The following CRTAC1 variants were observed in gnomAD, a reference collection of about 807,000 sequenced individuals.
The protein encoded by CRTAC1 is acidic secreted protein in cartilage.
CRTAC1 carries 37 observed loss-of-function variants against 67.8 expected under a neutral mutation model. The observed-to-expected ratio is 0.55, with a 90% confidence interval of 0.42 to 0.72. The LOEUF (loss-of-function observed/expected upper bound fraction) is 0.72. Among genes scored for constraint, CRTAC1 ranks in the 30% least tolerant of loss-of-function variants. CRTAC1 has a pLI of 0.00. For missense variants in CRTAC1, 780 were observed against 931.6 expected, an observed-to-expected ratio of 0.84 and a Z score of 2.12; for synonymous variants, 348 against 371.0, an observed-to-expected ratio of 0.94 and a Z score of 0.71.
At chr10:98,028,468 T>C (rs892468066) in intron 1 of CRTAC1, among the ~76,000 whole-genome samples, 2 of 152,190 alleles carry the variant, frequency 1.3e-5, no homozygotes, top group African/African-American at 4.8e-5. Flanking sequence ...AGCTGTTTAG[T>C]AGGACTGCCT....
chr10:97,915,645 G>T (rs1361698554), intron 5 of CRTAC1, among the ~76,000 whole-genome samples: 3 of 152,028 alleles, frequency 2.0e-5, no homozygotes, highest in Non-Finnish European at 4.4e-5. Context: ...GGACACTCCG[G>T]GCTAGTTTTC....
At chr10:97,914,132 G>T (rs994847972) in intron 5 of CRTAC1, among the ~76,000 whole-genome samples, 4 of 152,240 alleles carry the variant, frequency 2.6e-5, no homozygotes, top group Non-Finnish European at 4.4e-5. Context: ...GCCTAGGGGA[G>T]GCAGGGCAGG....
At chr10:97,943,563 T>C (rs576803529) in intron 2 of CRTAC1, among the ~76,000 whole-genome samples, 7 of 152,242 alleles carry the variant, frequency 4.6e-5, no homozygotes, top group Non-Finnish European at 8.8e-5. Context: ...TTGGTCACTT[T>C]GATACTCTCA....
intron 8 of CRTAC1, among the ~76,000 whole-genome samples, chr10:97,900,121 C>T (rs76363116): frequency 0.012 from 1,781 of 152,308 alleles, 12 homozygotes; most frequent in Middle Eastern, 0.027. Context: ...GATTCTGATG[C>T]CAATGGTCTC....
intron 12 of CRTAC1, among the ~76,000 whole-genome samples, chr10:97,883,812 G>A (rs1368353878): frequency 2.0e-5 from 3 of 152,212 alleles, no homozygotes; most frequent in Non-Finnish European, 1.5e-5. Flanking sequence ...CCCCACCCTA[G>A]GGCAATAGGA....
intron 1 of CRTAC1, among the ~76,000 whole-genome samples, chr10:98,028,529 T>G (rs191235571): frequency 1.4e-4 from 22 of 152,220 alleles, no homozygotes; most frequent in Admixed American, 1.4e-3. Context: ...TCCCTAGAAT[T>G]ACACAGGCCA....
intron 11 of CRTAC1, among the ~76,000 whole-genome samples, chr10:97,889,846 C>T (rs1235750700): frequency 2.6e-5 from 4 of 152,090 alleles, no homozygotes; most frequent in African/African-American, 4.8e-5. Context: ...GGGAGCTTCC[C>T]GCCGGCCCCT....
At chr10:97,961,184 C>T (rs1236456390) in intron 2 of CRTAC1, among the ~76,000 whole-genome samples, 2 of 152,110 alleles carry the variant, frequency 1.3e-5, no homozygotes, top group Non-Finnish European at 2.9e-5. Flanking sequence ...GTTATTGGTT[C>T]TACCTGCTTG....
chr10:97,933,396 G>A (rs560147166), intron 3 of CRTAC1, among the ~76,000 whole-genome samples: 4 of 152,336 alleles, frequency 2.6e-5, no homozygotes, highest in East Asian at 3.9e-4. Flanking sequence ...CGCCTTCACC[G>A]TGTCTGCCTT....
At chr10:97,939,524 C>T (rs566966714) in intron 2 of CRTAC1, among the ~76,000 whole-genome samples, 35 of 152,156 alleles carry the variant, frequency 2.3e-4, no homozygotes, top group Non-Finnish European at 4.7e-4. Flanking sequence ...TTCTTGGCAC[C>T]CCATGGTGCA....
chr10:97,925,779 C>T (rs576272948), intron 3 of CRTAC1, among the ~76,000 whole-genome samples: 36 of 151,972 alleles, frequency 2.4e-4, no homozygotes, highest in Admixed American at 7.2e-4. Context: ...GCGTAGAGTG[C>T]GCGAGAACAG....
intron 1 of CRTAC1, among the ~76,000 whole-genome samples, chr10:98,015,283 G>T (rs913331028): frequency 3.3e-4 from 50 of 152,174 alleles, no homozygotes; most frequent in African/African-American, 1.1e-3. Flanking sequence ...ACTTCTACGA[G>T]GTGTCCAGAG....
chr10:97,971,634 C>T (rs1050635381), intron 2 of CRTAC1, among the ~76,000 whole-genome samples: 4 of 152,160 alleles, frequency 2.6e-5, no homozygotes, highest in Admixed American at 2.6e-4. Context: ...GAACTGTACT[C>T]TTAAAGATGG....
chr10:98,007,989 G>T (rs985328759), intron 2 of CRTAC1, among the ~76,000 whole-genome samples: 1 of 152,160 alleles, frequency 6.6e-6, no homozygotes, highest in African/African-American at 2.4e-5. Flanking sequence ...GGACTGGCAG[G>T]ATAAAGACCT....
chr10:98,027,936 C>T (rs912977321), intron 1 of CRTAC1, among the ~76,000 whole-genome samples: 3 of 152,176 alleles, frequency 2.0e-5, no homozygotes, highest in African/African-American at 7.2e-5. Flanking sequence ...AGCCATGTGA[C>T]CTTGGCTTTA....
At chr10:97,994,443 A>G (rs183905270) in intron 2 of CRTAC1, among the ~76,000 whole-genome samples, 5 of 152,308 alleles carry the variant, frequency 3.3e-5, no homozygotes, top group Non-Finnish European at 7.3e-5. Flanking sequence ...GGCATTAGAT[A>G]AGGAAAGCAG....
intron 2 of CRTAC1, among the ~76,000 whole-genome samples, chr10:97,960,365 G>T (rs530792524): frequency 2.0e-5 from 3 of 152,276 alleles, no homozygotes; most frequent in Admixed American, 6.5e-5. Flanking sequence ...ATAAACACCA[G>T]CCTCCTCCAA....
At chr10:97,941,116 G>A in intron 2 of CRTAC1, among the ~76,000 whole-genome samples, 1 of 143,160 alleles carries the variant, frequency 7.0e-6, no homozygotes, top group East Asian at 2.1e-4. Context: ...TGGCTTTTAT[G>A]AGGCCATATC....
chr10:97,904,690 G>A lies in CRTAC1; in HGVS notation c.975C>T (p.Thr325=), dbSNP rs2050585574. ...TTACCCGGAAGCGGACCTTCCCATGGGTGCTCATTTGCAGATAGAGGCGGT... is the reference window on the plus strand; with the variant it reads ...TTACCCGGAAGCGGACCTTCCCATGAGTGCTCATTTGCAGATAGAGGCGGT... ...GPHRLYLQMS[T]HGKVRFRDIA... is the part of the protein sequence containing the mutation. The change falls in exon 7 of 15, where the codon ACC becomes ACT. Residue 325 remains threonine (T), a synonymous_variant. Coordinates refer to ENST00000370597, the MANE Select transcript of CRTAC1 (RefSeq NM_018058.7). 2.5e-6 allele frequency: 4 copies of A among 1,583,514 alleles called. No homozygotes were observed. The Admixed American group carries it at 7.5e-5, about 30-fold the overall frequency.
Sources: gnomAD v4.1 joint callset for allele counts (sites outside exome capture counted in the v4.1 genomes callset) on GRCh38, gnomAD v4.1.1 for gene constraint, MANE v1.5 for transcripts, NCBI Gene and HGNC (gene_info 2026-07-23, HGNC 2026-07-21) for gene names.